PHACTR3: variants seen among roughly 807,000 people sequenced by gnomAD.
PHACTR3 encodes the protein phosphatase and actin regulator 3, also known as protein phosphatase 1, regulatory subunit 123.
Under a neutral mutation model 66.8 loss-of-function variants are expected in PHACTR3, and 16 were observed. That is an observed-to-expected ratio of 0.24 (90% confidence interval 0.16 to 0.36). The LOEUF (loss-of-function observed/expected upper bound fraction) is 0.36. PHACTR3 is among the 10% of genes least tolerant of loss of function. The pLI, the probability that PHACTR3 is intolerant of heterozygous loss-of-function variation, is 1.00. For synonymous variants in PHACTR3, 323 were observed against 292.1 expected (o/e 1.11, Z -1.08); for missense variants, 647 against 719.9 (o/e 0.90, Z 1.16).
intron 1 of PHACTR3, among the ~76,000 whole-genome samples, chr20:59,635,303 C>T (rs1283468501): frequency 2.5e-4 from 36 of 145,488 alleles, no homozygotes; most frequent in East Asian, 2.0e-4. Flanking sequence ...GGCGCAATCT[C>T]GGCTCACTGC....
chr20:59,821,572 C>T (rs984462553), intron 8 of PHACTR3, among the ~76,000 whole-genome samples: 4 of 152,160 alleles, frequency 2.6e-5, no homozygotes, highest in Non-Finnish European at 5.9e-5. Context: ...TGAATAGGAC[C>T]AGCATTCAGG....
chr20:59,723,826 G>T (rs889086906), intron 1 of PHACTR3, among the ~76,000 whole-genome samples: 3 of 152,118 alleles, frequency 2.0e-5, no homozygotes, highest in Non-Finnish European at 4.4e-5. Context: ...TGGTGACTCG[G>T]TCCTCAAGGT....
At chr20:59,813,843 C>T (rs1458048237) in intron 8 of PHACTR3, among the ~76,000 whole-genome samples, 1 of 152,188 alleles carries the variant, frequency 6.6e-6, no homozygotes, top group African/African-American at 2.4e-5. Context: ...CTCCTCTTGT[C>T]ATTCTGGGCT....
At chr20:59,805,923 C>T in intron 7 of PHACTR3, 118 bp from the exon 8 acceptor site, 1 of 1,103,702 alleles carries the variant, frequency 9.1e-7, no homozygotes. Flanking sequence ...TAGCCACCAT[C>T]ACCCTGGTCT....
chr20:59,590,875 C>G (rs894231296), intron 1 of PHACTR3, among the ~76,000 whole-genome samples: 1 of 152,122 alleles, frequency 6.6e-6, no homozygotes, highest in Admixed American at 6.5e-5. Flanking sequence ...TTTTATAAGG[C>G]ACTTATCATT....
chr20:59,627,704 C>G (rs1329165281), intron 1 of PHACTR3, among the ~76,000 whole-genome samples: 1 of 152,138 alleles, frequency 6.6e-6, no homozygotes, highest in East Asian at 1.9e-4. Context: ...CAGTTGTGCC[C>G]TCCTGCTTAG....
At chr20:59,784,335 T>C (rs1406069668) in intron 7 of PHACTR3, among the ~76,000 whole-genome samples, 1 of 151,912 alleles carries the variant, frequency 6.6e-6, no homozygotes, top group Non-Finnish European at 1.5e-5. Context: ...TATATATGTG[T>C]ATATATAGAA....
At chr20:59,656,266 T>C (rs1272456885) in intron 1 of PHACTR3, among the ~76,000 whole-genome samples, 3 of 151,956 alleles carry the variant, frequency 2.0e-5, no homozygotes. Flanking sequence ...CGATTTTTAT[T>C]ATTGAGTTAT....
intron 11 of PHACTR3, among the ~76,000 whole-genome samples, chr20:59,842,809 G>T (rs147087049): frequency 6.6e-6 from 1 of 152,086 alleles, no homozygotes; most frequent in Non-Finnish European, 1.5e-5. Context: ...ACGGAGTTTG[G>T]GGAAGGGTTG....
chr20:59,775,045 T>C (rs2040484928), intron 7 of PHACTR3, among the ~76,000 whole-genome samples: 1 of 151,694 alleles, frequency 6.6e-6, no homozygotes, highest in South Asian at 2.1e-4. Context: ...CACAGGGTCC[T>C]TGGAAGCCAG....
chr20:59,843,400 T>C (rs1027273472), intron 11 of PHACTR3: 4 of 151,988 alleles, frequency 2.6e-5, no homozygotes, highest in African/African-American at 9.7e-5. Flanking sequence ...AAGTAATCCT[T>C]AGCAAAAAGA....
intron 8 of PHACTR3, among the ~76,000 whole-genome samples, chr20:59,828,208 G>A (rs1034228162): frequency 1.6e-4 from 23 of 148,342 alleles, no homozygotes; most frequent in African/African-American, 5.6e-4. Flanking sequence ...AATGCAAAAT[G>A]CCAGAAACCT....
At chr20:59,586,922 G>T (rs1010029252) in intron 1 of PHACTR3, among the ~76,000 whole-genome samples, 1 of 152,202 alleles carries the variant, frequency 6.6e-6, no homozygotes, top group Non-Finnish European at 1.5e-5. Context: ...TGGATTCTTG[G>T]TCGTTCTGTG....
intron 7 of PHACTR3, among the ~76,000 whole-genome samples, chr20:59,791,847 A>G (rs1324136539): frequency 6.7e-6 from 1 of 150,348 alleles, no homozygotes; most frequent in African/African-American, 2.5e-5. Context: ...AACAGGTGGT[A>G]TACTCAGTAT....
At chr20:59,798,181 A>G (rs1333447389) in intron 7 of PHACTR3, among the ~76,000 whole-genome samples, 1 of 152,156 alleles carries the variant, frequency 6.6e-6, no homozygotes, top group East Asian at 1.9e-4. Context: ...TTACATGACA[A>G]GAGATGGAAG....
At chr20:59,611,073 T>C (rs1244101070) in intron 1 of PHACTR3, among the ~76,000 whole-genome samples, 1 of 152,264 alleles carries the variant, frequency 6.6e-6, no homozygotes, top group East Asian at 1.9e-4. Flanking sequence ...ATTCTTTCCC[T>C]GGGGCTAAAT....
chr20:59,765,713 G>C (rs911054467), intron 4 of PHACTR3, among the ~76,000 whole-genome samples: 55 of 152,312 alleles, frequency 3.6e-4, no homozygotes, highest in African/African-American at 1.2e-3. Context: ...TAGGCCTGTT[G>C]TAACACCCCC....
At chr20:59,753,205 G>A (rs945857716) in intron 3 of PHACTR3, among the ~76,000 whole-genome samples, 8 of 152,058 alleles carry the variant, frequency 5.3e-5, no homozygotes, top group Non-Finnish European at 1.0e-4. Context: ...GTGGCCCACA[G>A]AGCCCGTCAC....
chr20:59,801,300 C>T (rs1273648548), intron 7 of PHACTR3, among the ~76,000 whole-genome samples: 1 of 152,174 alleles, frequency 6.6e-6, no homozygotes, highest in East Asian at 1.9e-4. Flanking sequence ...CCATTTGATT[C>T]TCATTTTTCA....
Sources: gnomAD v4.1 joint callset for allele counts (sites outside exome capture counted in the v4.1 genomes callset) on GRCh38, gnomAD v4.1.1 for gene constraint, MANE v1.5 for transcripts, NCBI Gene and HGNC (gene_info 2026-07-23, HGNC 2026-07-21) for gene names.